The following DISC1 variants were observed in gnomAD, a reference collection of about 807,000 sequenced individuals.
DISC1 encodes disrupted in schizophrenia 1 protein.
DISC1 carries 57 observed loss-of-function variants against 84.5 expected under a neutral mutation model. The ratio of observed to expected loss-of-function variants is 0.67; its 90% CI spans 0.55 to 0.84. The LOEUF is 0.84. Among genes scored for constraint, DISC1 ranks in the 40% least tolerant of loss-of-function variants. The pLI, the probability that DISC1 is intolerant of heterozygous loss-of-function variation, is 0.00. For missense variants in DISC1, 1,000 were observed against 1,057.8 expected, an observed-to-expected ratio of 0.95 and a Z score of 0.76; for synonymous variants, 411 against 415.2, an observed-to-expected ratio of 0.99 and a Z score of 0.12.
intron 10 of DISC1, among the ~76,000 whole-genome samples, chr1:231,991,004 A>C (rs1665129559): frequency 6.6e-6 from 1 of 152,258 alleles, no homozygotes; most frequent in Non-Finnish European, 1.5e-5. Context: ...GTAAGCCATC[A>C]GCCTCGCCAG....
At chr1:231,899,848 A>G (rs1008312144) in intron 9 of DISC1, among the ~76,000 whole-genome samples, 1 of 152,184 alleles carries the variant, frequency 6.6e-6, no homozygotes, top group East Asian at 1.9e-4. Context: ...AAATACAGAG[A>G]TTTTCCATTC....
intron 10 of DISC1, among the ~76,000 whole-genome samples, chr1:231,968,987 T>A (rs957916662): frequency 8.5e-5 from 13 of 152,146 alleles, no homozygotes; most frequent in Non-Finnish European, 1.2e-4. Context: ...ATCACTAGTA[T>A]GTACTAGTAG....
chr1:231,910,238 G>C (rs183760946), intron 9 of DISC1, among the ~76,000 whole-genome samples: 1 of 151,984 alleles, frequency 6.6e-6, no homozygotes, highest in South Asian at 2.1e-4. Context: ...GTTTGCTCTT[G>C]CTTCTCTAGT....
In DISC1 at chr1:231,770,925, C is replaced by T; in HGVS notation, c.1489C>T (p.Leu497Phe). Residue 497 changes from leucine to phenylalanine, a missense_variant, in exon 6 of 13, where the codon CTC becomes TTC. Physicochemically the swap from Leu to Phe is conservative, Grantham distance 22. This residue lies in a region of DISC1 where 311 missense variants were observed against 400.1 expected (regional missense o/e 0.78). Transcript: ENST00000439617. ...GGAAATAGAGGAGCAAGAGCAGCAA[C>T]TCCAGTGGCAGGGCTGCGACCTGAC... Reference protein sequence around the residue: ...RREIEEQEQQLQWQGCDLTPL... With the variant: ...RREIEEQEQQFQWQGCDLTPL... The T allele has an allele frequency of 6.2e-7, 1 of 1,614,236 alleles. No individual in the cohort carries two copies. Among genetic ancestry groups the T allele is most frequent in the Non-Finnish European group, 8.5e-7 (1 of 1,180,050 alleles).
intron 9 of DISC1, among the ~76,000 whole-genome samples, chr1:231,824,167 C>A (rs1438201647): frequency 6.6e-6 from 1 of 152,068 alleles, no homozygotes; most frequent in Non-Finnish European, 1.5e-5. Flanking sequence ...GCTCTCCGGG[C>A]CAGAACGGTG....
rs374850320 is a variant in DISC1 at position 232,033,444 on chromosome 1, T to G, written c.2426-3248T>G. 1.2e-3 allele frequency among the ~76,000 whole-genome samples: 181 copies of G among 152,312 alleles called. 1 individual carries two copies. The highest frequency in any genetic ancestry group is 3.7e-3 in the African/African-American group (155 of 41,562). On this transcript the variant is annotated intron_variant, in intron 12 of 12. Transcript: ENST00000439617. ...TTCCGCCCTTATCCTCTTTAATCCA[T>G]TCTCAGCACAGCAGCCAAACTGACG...
chr1:231,936,307 A>G (rs1308029864), intron 9 of DISC1, among the ~76,000 whole-genome samples: 3 of 152,014 alleles, frequency 2.0e-5, no homozygotes, highest in African/African-American at 7.3e-5. Context: ...CCCAGCATCC[A>G]GCCAATACCT....
At chr1:232,030,667 C>G (rs1669921611) in intron 12 of DISC1, among the ~76,000 whole-genome samples, 1 of 152,194 alleles carries the variant, frequency 6.6e-6, no homozygotes. Flanking sequence ...TTTAGTTCAA[C>G]TTTCCAAATT....
At chr1:231,766,420 T>TAA (rs35058807) in intron 4 of DISC1, among the ~76,000 whole-genome samples, 1 of 150,868 alleles carries the variant, frequency 6.6e-6, no homozygotes, top group Non-Finnish European at 1.5e-5. Flanking sequence ...GTGCTGGGAA[T>TAA]AAAAAAAAAT....
chr1:231,930,027 G>T (rs2090560063), intron 9 of DISC1, among the ~76,000 whole-genome samples: 1 of 152,160 alleles, frequency 6.6e-6, no homozygotes, highest in Admixed American at 6.5e-5. Flanking sequence ...CATCAAGCCT[G>T]GAGTGAGAGA....
chr1:231,799,966 C>T, intron 7 of DISC1, 142 bp from the exon 8 acceptor site: 1 of 565,220 alleles, frequency 1.8e-6, no homozygotes, highest in South Asian at 1.6e-5. Context: ...CCATTGCTTG[C>T]TTTTTGAACA....
intron 11 of DISC1, among the ~76,000 whole-genome samples, chr1:232,025,525 C>T (rs946397765): frequency 2.0e-5 from 3 of 151,932 alleles, no homozygotes; most frequent in Admixed American, 1.3e-4. Context: ...ATCAATACTA[C>T]GTGCCTGTCA....
chr1:231,703,667 C>T (rs780733407), intron 3 of DISC1, among the ~76,000 whole-genome samples: 1 of 152,188 alleles, frequency 6.6e-6, no homozygotes, highest in Non-Finnish European at 1.5e-5. Flanking sequence ...GGAGACCTCA[C>T]TTCTTTAATC....
intron 3 of DISC1, among the ~76,000 whole-genome samples, chr1:231,707,485 A>G (rs1298812761): frequency 6.6e-6 from 1 of 152,100 alleles, no homozygotes; most frequent in Non-Finnish European, 1.5e-5. Flanking sequence ...ATTAAAACCC[A>G]AATCAACAGC....
chr1:231,721,366 G>C (rs540212554), intron 3 of DISC1, among the ~76,000 whole-genome samples: 7 of 152,282 alleles, frequency 4.6e-5, no homozygotes, highest in Admixed American at 4.6e-4. Context: ...TCTCTGGAAA[G>C]TTAGAATTCT....
At chr1:231,796,762 C>G (rs1482634889) in intron 7 of DISC1, among the ~76,000 whole-genome samples, 2 of 152,138 alleles carry the variant, frequency 1.3e-5, no homozygotes, top group East Asian at 1.9e-4. Context: ...TTCACCCAGG[C>G]TGGAGTGTAA....
chr1:231,697,235 C>G (rs1558361688), intron 2 of DISC1, among the ~76,000 whole-genome samples: 1 of 152,068 alleles, frequency 6.6e-6, no homozygotes, highest in Non-Finnish European at 1.5e-5. Context: ...GTTTGGGGGC[C>G]TTATTGATAT....
At chr1:231,863,960 T>C (rs2084866210) in intron 9 of DISC1, among the ~76,000 whole-genome samples, 1 of 152,170 alleles carries the variant, frequency 6.6e-6, no homozygotes, top group African/African-American at 2.4e-5. Context: ...CCCTTTGCTC[T>C]TGCACTGGGG....
chr1:231,663,975 T>C (rs557955505), intron 1 of DISC1, among the ~76,000 whole-genome samples: 3 of 152,316 alleles, frequency 2.0e-5, no homozygotes, highest in Non-Finnish European at 2.9e-5. Flanking sequence ...ATGGCCAAAC[T>C]GTTTAATTTT....
Sources: allele counts gnomAD v4.1 joint callset (sites outside exome capture counted in the v4.1 genomes callset), GRCh38; gene constraint gnomAD v4.1.1; regional missense constraint gnomAD v4.1.1; transcripts MANE v1.5; gene names NCBI Gene and HGNC (gene_info 2026-07-23, HGNC 2026-07-21).